Variants in TP53BP2 observed in about 807,000 individuals in gnomAD.
TP53BP2 encodes the protein tumor protein p53 binding protein 2.
In TP53BP2, 62 loss-of-function variants were observed where a neutral mutation model predicts 126.2. The ratio of observed to expected loss-of-function variants is 0.49; its 90% CI spans 0.40 to 0.61. The LOEUF (loss-of-function observed/expected upper bound fraction) is 0.61. Among genes scored for constraint, TP53BP2 ranks in the 20% least tolerant of loss-of-function variants. The pLI, the probability that TP53BP2 is intolerant of heterozygous loss-of-function variation, is 0.00. For synonymous variants in TP53BP2, 485 were observed against 502.9 expected (o/e 0.96, Z 0.48); for missense variants, 1,215 against 1,402.8 (o/e 0.87, Z 2.14).
chr1:223,806,908 G>C lies in TP53BP2; in HGVS notation c.412C>G (p.Gln138Glu). 15 of 1,614,006 alleles carry C rather than the reference G, an allele frequency of 9.3e-6. No homozygotes were observed. Among genetic ancestry groups the C allele is most frequent in the Non-Finnish European group, 1.3e-5 (15 of 1,179,962 alleles). Residue 138 changes from glutamine to glutamate, a missense_variant, in exon 5 of 18, where the codon CAG becomes GAG. Coordinates refer to ENST00000343537, the MANE Select transcript of TP53BP2 (RefSeq NM_001031685.3). ...TGCTGCTGGCGAGATGCCATTTCCT[G>C]AAGTTCAGCAAGAGTCAGATCCATC... is the stretch of plus-strand genomic sequence containing the variant. ...PRMDLTLAEL[Q>E]EMASRQQQQI...
chr1:223,799,550 G>T (rs540749188), intron 11 of TP53BP2, among the ~76,000 whole-genome samples: 3 of 152,212 alleles, frequency 2.0e-5, no homozygotes, highest in Admixed American at 1.3e-4. Flanking sequence ...GGTTATCAAG[G>T]ATTAAGACTG....
intron 1 of TP53BP2, among the ~76,000 whole-genome samples, chr1:223,838,232 T>C (rs1663986897): frequency 6.6e-6 from 1 of 152,312 alleles, no homozygotes; most frequent in East Asian, 1.9e-4. Context: ...CCCTGAAAAC[T>C]TCCTTTCCTG....
intron 2 of TP53BP2, among the ~76,000 whole-genome samples, chr1:223,820,818 T>C (rs577586249): frequency 6.6e-5 from 10 of 152,284 alleles, no homozygotes; most frequent in Middle Eastern, 3.4e-3. Context: ...GCCCACGAGT[T>C]CACCACTGCT....
chr1:223,815,098 A>G (rs999967957), intron 2 of TP53BP2, among the ~76,000 whole-genome samples: 1 of 152,266 alleles, frequency 6.6e-6, no homozygotes, highest in Non-Finnish European at 1.5e-5. Context: ...ATTGCTTAAA[A>G]TCAATGAAAC....
Position 223,804,301 on chromosome 1 carries a change from T to C in TP53BP2, c.522A>G (p.Gln174=), listed in dbSNP as rs751284178. The C allele has an allele frequency of 1.7e-5, 27 of 1,613,960 alleles. No homozygotes were observed. The highest frequency in any genetic ancestry group is 2.7e-5 in the African/African-American group (2 of 74,928). The change falls in exon 6 of 18, where the codon CAA becomes CAG. Residue 174 remains glutamine (Q), a synonymous_variant. Transcript: ENST00000343537. Reference sequence around the variant, plus strand: ...TAAGTTTCTCCTGCTCAGCAACTTGTTGCTGTTGTCGCTGATCTTGTTGTT... The same window carrying C: ...TAAGTTTCTCCTGCTCAGCAACTTGCTGCTGTTGTCGCTGATCTTGTTGTT... ...FLKQQDQRQQ[Q]QVAEQEKLKR...
chr1:223,839,913 C>A (rs1311523744), intron 1 of TP53BP2, among the ~76,000 whole-genome samples: 1 of 152,052 alleles, frequency 6.6e-6, no homozygotes, highest in Non-Finnish European at 1.5e-5. Context: ...GCACTCCAGC[C>A]TGGGTGATAG....
At position 223,821,287 on chromosome 1, in the gene TP53BP2, G is replaced by A. The variant is rs766162984; in HGVS notation, c.108C>T (p.Asp36=). 3.8e-5 allele frequency: 61 copies of A among 1,614,026 alleles called. No homozygotes were observed. Among genetic ancestry groups the A allele is most frequent in the East Asian group, 1.1e-4 (5 of 44,890 alleles). The change falls in exon 2 of 18, where the codon GAC becomes GAT. Residue 36 remains aspartate (D), a synonymous_variant. Coordinates refer to ENST00000343537, the MANE Select transcript of TP53BP2 (RefSeq NM_001031685.3). The stretch of plus-strand genomic sequence containing the variant: ...CGGGTTCTTTGCACAGATCCACCAC[G>A]TCTCTGCATATTGTTTCTGGAGTAA... ...VPVTPETICR[D]VVDLCKEPGE... is the part of the protein sequence containing the mutation.
At chr1:223,830,567 C>T (rs542947857) in intron 1 of TP53BP2, among the ~76,000 whole-genome samples, 16 of 148,764 alleles carry the variant, frequency 1.1e-4, no homozygotes, top group Non-Finnish European at 2.1e-4. Context: ...TGAAGAAAAA[C>T]TCTAAATGCC....
rs368343062 is a variant in TP53BP2, at chr1:223,789,105, G to A, written c.3066C>T (p.Ala1022=). The A allele has an allele frequency of 1.1e-5, 18 of 1,613,956 alleles. No individual in the cohort carries two copies. The highest frequency in any genetic ancestry group is 3.3e-5 in the South Asian group (3 of 91,076). The part of the protein sequence containing the change: ...QVCKFLVESG[A]AVFAMTYSDM... Reference sequence around the variant, plus strand: ...CACTGTAGGTCATGGCAAACACAGCGGCTCCTGACTCCACCAAAAACTTAC... The same window carrying A: ...CACTGTAGGTCATGGCAAACACAGCAGCTCCTGACTCCACCAAAAACTTAC... Residue 1022 remains alanine, a synonymous_variant, in exon 16 of 18, where the codon GCC becomes GCT. Transcript: ENST00000343537.
Position 223,802,909 on chromosome 1 carries a change from AGGGG to A in TP53BP2, c.832-18_832-15del. 1 of 1,613,542 alleles carries A rather than the reference AGGGG, an allele frequency of 6.2e-7. No individual in the cohort carries two copies. The highest frequency in any genetic ancestry group is 8.5e-7 in the Non-Finnish European group (1 of 1,179,862). On this transcript the variant is annotated splice_polypyrimidine_tract_variant and intron_variant, in intron 7 of 17. Transcript: ENST00000343537. ...TTTGTTTCTTAGCTGAATAAAAGAG[AGGGG>A]AAAAAAGGTAGCCAAGGAGTAGGAA...
At chr1:223,814,098 C>A in intron 3 of TP53BP2, 142 bp downstream of exon 3, 1 of 609,574 alleles carries the variant, frequency 1.6e-6, no homozygotes, top group South Asian at 2.0e-5. Flanking sequence ...CTTCTCCCCT[C>A]GACAGCCTAT....
intron 1 of TP53BP2, among the ~76,000 whole-genome samples, chr1:223,827,966 TTCTG>T (rs777326402): frequency 2.6e-5 from 4 of 152,200 alleles, no homozygotes; most frequent in South Asian, 2.1e-4. Context: ...TAATTGAATT[TTCTG>T]TCTAATAAAA....
intron 1 of TP53BP2, among the ~76,000 whole-genome samples, chr1:223,829,377 T>C (rs963354196): frequency 1.3e-5 from 2 of 152,106 alleles, no homozygotes; most frequent in African/African-American, 4.8e-5. Flanking sequence ...AAAATGGAAA[T>C]TCAGAAATGA....
At chr1:223,785,449 A>G (rs1451684947) in intron 16 of TP53BP2, among the ~76,000 whole-genome samples, 1 of 152,256 alleles carries the variant, frequency 6.6e-6, no homozygotes, top group African/African-American at 2.4e-5. Context: ...CAAACTTTAT[A>G]TAACTGTAAT....
chr1:223,815,899 C>A (rs1221512257), intron 2 of TP53BP2, among the ~76,000 whole-genome samples: 1 of 152,220 alleles, frequency 6.6e-6, no homozygotes, highest in Non-Finnish European at 1.5e-5. Context: ...AGGCTGTATA[C>A]CATATAGCCT....
intron 17 of TP53BP2, among the ~76,000 whole-genome samples, chr1:223,782,012 A>G (rs186807850): frequency 2.9e-3 from 443 of 150,922 alleles, no homozygotes; most frequent in African/African-American, 0.01. Context: ...GAAACATGCA[A>G]TGTTCCCCGT....
intron 2 of TP53BP2, among the ~76,000 whole-genome samples, chr1:223,815,976 T>C (rs766726874): frequency 6.6e-6 from 1 of 152,136 alleles, no homozygotes; most frequent in Non-Finnish European, 1.5e-5. Flanking sequence ...CACAACAAAA[T>C]CACCTAATGA....
At chr1:223,784,003 A>G in intron 17 of TP53BP2, 112 bp downstream of exon 17, 1 of 890,374 alleles carries the variant, frequency 1.1e-6, no homozygotes, top group Non-Finnish European at 1.8e-6. Flanking sequence ...TTTAAATTCC[A>G]TGTCTTATTA....
chr1:223,834,157 C>G (rs972499170), intron 1 of TP53BP2, among the ~76,000 whole-genome samples: 3 of 152,126 alleles, frequency 2.0e-5, no homozygotes, highest in African/African-American at 7.2e-5. Context: ...TCAGGCAGGG[C>G]CTTGTAGGTC....
Sources: allele counts gnomAD v4.1 joint callset (sites outside exome capture counted in the v4.1 genomes callset), GRCh38; gene constraint gnomAD v4.1.1; transcripts MANE v1.5; gene names NCBI Gene and HGNC (gene_info 2026-07-23, HGNC 2026-07-21).